EVI5L: variants seen among roughly 807,000 people sequenced by gnomAD.
The protein encoded by EVI5L is ecotropic viral integration site 5 like.
A neutral mutation model predicts 106.1 loss-of-function variants in EVI5L; 30 were observed. The observed-to-expected ratio is 0.28, with a 90% CI of 0.21 to 0.38. The LOEUF is 0.38. Ranked by LOEUF, EVI5L falls within the 10% of genes least tolerant of loss-of-function variation. EVI5L has a pLI of 1.00. For missense variants in EVI5L, 809 were observed against 1,098.0 expected, an observed-to-expected ratio of 0.74 and a Z score of 3.72; for synonymous variants, 489 against 483.3, an observed-to-expected ratio of 1.01 and a Z score of -0.15.
intron 6 of EVI5L, 28 bp from the exon 7 acceptor site, chr19:7,851,406 G>C: frequency 6.2e-7 from 1 of 1,600,186 alleles, no homozygotes; most frequent in Non-Finnish European, 8.5e-7. Context: ...CCCCCTCACT[G>C]TGCCCACCCG....
rs1175092471 is a variant in EVI5L, at chr19:7,853,268, T to A, written c.1086-5T>A. 6.2e-7 allele frequency: 1 copy of A among 1,613,896 alleles called. No individual in the cohort carries two copies. The highest frequency in any genetic ancestry group is 1.1e-5 in the South Asian group (1 of 91,072). ...CAGTAACCACGGGGCCCTCCCGATC[T>A]GCAGGCTGGAGAAGGAGTACGCAGC... is the stretch of plus-strand genomic sequence containing the variant. On this transcript the variant is annotated splice_region_variant and splice_polypyrimidine_tract_variant and intron_variant, in intron 9 of 19. Transcript: ENST00000538904.
At chr19:7,836,633 T>A (rs923802647) in intron 1 of EVI5L, among the ~76,000 whole-genome samples, 6 of 152,092 alleles carry the variant, frequency 3.9e-5, no homozygotes, top group Non-Finnish European at 8.8e-5. Flanking sequence ...ATTTCTATTT[T>A]TATTTTTTTC....
chr19:7,847,961 T>C (rs1979039684), intron 3 of EVI5L, 40 bp downstream of exon 3: 1 of 1,509,142 alleles, frequency 6.6e-7, no homozygotes, highest in Non-Finnish European at 8.9e-7. Flanking sequence ...GCCGACGGCG[T>C]GGGCAGGTGG....
intron 1 of EVI5L, among the ~76,000 whole-genome samples, chr19:7,832,671 CATT>C (rs1978298654): frequency 6.6e-6 from 1 of 152,094 alleles, no homozygotes; most frequent in African/African-American, 2.4e-5. Context: ...GTTGACACTT[CATT>C]GAAAAGTGGC....
chr19:7,846,413 G>A, intron 1 of EVI5L, 83 bp from the exon 2 acceptor site: 1 of 1,306,926 alleles, frequency 7.7e-7, no homozygotes, highest in Non-Finnish European at 1.0e-6. Context: ...GGAAGCCCAG[G>A]GTGAGGAAAT....
chr19:7,855,554 G>A (rs1979479618), intron 10 of EVI5L, among the ~76,000 whole-genome samples: 1 of 152,220 alleles, frequency 6.6e-6, no homozygotes. Flanking sequence ...TGCATGATCA[G>A]CACGCTGGAC....
rs1979549975 is a variant in EVI5L at position 7,856,819 on chromosome 19, G to A, written c.1201-273G>A. 6.6e-6 allele frequency among the ~76,000 whole-genome samples: 1 copy of A among 152,060 alleles called. No individual in the cohort carries two copies. The highest frequency in any genetic ancestry group is 2.1e-4 in the South Asian group (1 of 4,828). On this transcript the variant is annotated intron_variant, in intron 11 of 19. Coordinates refer to ENST00000538904, the MANE Select transcript of EVI5L (RefSeq NM_001159944.3). This position sits in a 1 kb window ranked among gnomAD's most constrained non-coding sequence, Gnocchi z 6.6. ...CTGACCCTGGAGGGTGGGACAGTGG[G>A]TTTCCCAGCCCTGCGGCCTCCCCCA...
chr19:7,859,648 G>A (rs1052579695), intron 13 of EVI5L, among the ~76,000 whole-genome samples: 35 of 152,230 alleles, frequency 2.3e-4, no homozygotes, highest in African/African-American at 8.2e-4. Context: ...GGGAAACTGA[G>A]GCTGGGCTCA....
rs372255387 is a variant in EVI5L at position 7,853,187 on chromosome 19, G to A, written c.1085+4G>A. 8.4e-5 allele frequency: 135 copies of A among 1,614,052 alleles called. No homozygotes were observed. The African/African-American group carries it at 1.5e-3, about 18-fold the overall frequency. ...ACAACCCCAAGAAGATGAAGAGGTC[G>A]GTGCCTGCTGGGCAACCAGGGTACT... On this transcript the variant is annotated splice_donor_region_variant and intron_variant, in intron 9 of 19. Coordinates refer to ENST00000538904, the MANE Select transcript of EVI5L (RefSeq NM_001159944.3).
At chr19:7,852,645 G>C (rs1040228399) in intron 8 of EVI5L, among the ~76,000 whole-genome samples, 1 of 151,908 alleles carries the variant, frequency 6.6e-6, no homozygotes, top group African/African-American at 2.4e-5. Flanking sequence ...TCCACCTCCT[G>C]GGCTGAAGCG....
intron 14 of EVI5L, 118 bp downstream of exon 14, chr19:7,860,807 C>A: frequency 8.4e-7 from 1 of 1,195,818 alleles, no homozygotes; most frequent in Non-Finnish European, 1.1e-6. Context: ...CACACACAAC[C>A]ATACATATGC....
In EVI5L at chr19:7,850,147, G is replaced by A. The variant is rs1277151241; in HGVS notation, c.753+25G>A. 1.3e-5 allele frequency: 20 copies of A among 1,590,684 alleles called. No individual in the cohort carries two copies. The highest frequency in any genetic ancestry group is 1.7e-5 in the Non-Finnish European group (20 of 1,169,542). The stretch of plus-strand genomic sequence containing the variant: ...GGTGAGCAGGGCCGCAGGAGAGCAG[G>A]GCTGCAGGAGGGCAGGGCCACAGGT... On this transcript the variant is annotated intron_variant, in intron 6 of 19. Transcript: ENST00000538904. This position sits in a 1 kb window ranked among gnomAD's most constrained non-coding sequence, Gnocchi z 5.4.
intron 14 of EVI5L, 59 bp from the exon 15 acceptor site, chr19:7,861,819 G>T (rs1979810510): frequency 6.5e-7 from 1 of 1,542,296 alleles, no homozygotes; most frequent in East Asian, 2.5e-5. Flanking sequence ...CGTTTGTCCT[G>T]CAGGAAGGGC....
At chr19:7,837,941 G>C (rs752430702) in intron 1 of EVI5L, among the ~76,000 whole-genome samples, 2 of 152,034 alleles carry the variant, frequency 1.3e-5, no homozygotes, top group African/African-American at 4.8e-5. Context: ...GACCTCAGGC[G>C]ATCTGCCTGC....
At position 7,850,954 on chromosome 19, in the gene EVI5L, C is replaced by T. The variant is rs1979219391; in HGVS notation, c.754-480C>T. Among the ~76,000 whole-genome samples the T allele has an allele frequency of 6.6e-6, 1 of 152,202 alleles. No individual in the cohort carries two copies. Among genetic ancestry groups the T allele is most frequent in the South Asian group, 2.1e-4 (1 of 4,830 alleles). On this transcript the variant is annotated intron_variant, in intron 6 of 19. Coordinates refer to ENST00000538904, the MANE Select transcript of EVI5L (RefSeq NM_001159944.3). This position sits in a 1 kb window ranked among gnomAD's most constrained non-coding sequence, Gnocchi z 5.4. ...GTCTAGAGTTCAGGCCAATCCAACACAGCTTGCACAAAGCTTTATGCTGGG... is the reference window on the plus strand; with the variant it reads ...GTCTAGAGTTCAGGCCAATCCAACATAGCTTGCACAAAGCTTTATGCTGGG...
intron 2 of EVI5L, 105 bp downstream of exon 2, chr19:7,846,784 A>G (rs897844822): frequency 3.2e-5 from 45 of 1,426,306 alleles, no homozygotes; most frequent in Admixed American, 1.2e-4. Context: ...AGTGTGTGCA[A>G]TGTGACAGCC....
chr19:7,856,764 C>G lies in EVI5L; in HGVS notation c.1201-328C>G, dbSNP rs1380716525. ...ACGAAGCCAAAAGTCCCCCTGCCCC[C>G]CACAGTTTTTCCAGCCAGCAGCGGC... is the stretch of plus-strand genomic sequence containing the variant. On this transcript the variant is annotated intron_variant, in intron 11 of 19. Transcript: ENST00000538904. This position sits in a 1 kb window ranked among gnomAD's most constrained non-coding sequence, Gnocchi z 6.6. Among the ~76,000 whole-genome samples the G allele has an allele frequency of 6.6e-6, 1 of 152,192 alleles. No homozygotes were observed. Among genetic ancestry groups the G allele is most frequent in the Non-Finnish European group, 1.5e-5 (1 of 68,022 alleles).
chr19:7,838,086 T>TC (rs1292299890), intron 1 of EVI5L, among the ~76,000 whole-genome samples: 2 of 151,190 alleles, frequency 1.3e-5, no homozygotes, highest in African/African-American at 2.4e-5. Flanking sequence ...TTTATTTTTT[T>TC]TTTGGTTGGT....
At chr19:7,843,675 AGT>A (rs750354246) in intron 1 of EVI5L, among the ~76,000 whole-genome samples, 126 of 114,066 alleles carry the variant, frequency 1.1e-3, no homozygotes, top group South Asian at 2.8e-3. Flanking sequence ...TAGGTGTATG[AGT>A]GTGTGTGTGT....
Sources: gnomAD v4.1 joint callset for allele counts (sites outside exome capture counted in the v4.1 genomes callset) on GRCh38, gnomAD v4.1.1 for gene constraint, Gnocchi (gnomAD v3.1) non-coding constraint, MANE v1.5 for transcripts, NCBI Gene and HGNC (gene_info 2026-07-23, HGNC 2026-07-21) for gene names.